The following NAALADL2 variants were observed in gnomAD, a reference collection of about 807,000 sequenced individuals.
The protein encoded by NAALADL2 is N-acetylated alpha-linked acidic dipeptidase like 2.
In NAALADL2, 76 loss-of-function variants were observed where a neutral mutation model predicts 87.2. The observed-to-expected ratio is 0.87, with a 90% CI of 0.72 to 1.05. NAALADL2 has a LOEUF of 1.05. Ranked by LOEUF, NAALADL2 falls within the 50% of genes least tolerant of loss-of-function variation. The pLI is 0.00. For synonymous variants in NAALADL2, 354 were observed against 331.0 expected (o/e 1.07, Z -0.75); for missense variants, 1,089 against 945.8 (o/e 1.15, Z -1.99).
intron 5 of NAALADL2, among the ~76,000 whole-genome samples, chr3:175,328,982 T>C (rs1463756575): frequency 6.6e-6 from 1 of 152,188 alleles, no homozygotes; most frequent in Non-Finnish European, 1.5e-5. Flanking sequence ...GAACTGAAAA[T>C]AGTATTAGGA....
intron 2 of NAALADL2, among the ~76,000 whole-genome samples, chr3:175,193,670 C>G (rs889969415): frequency 6.6e-6 from 1 of 151,606 alleles, no homozygotes; most frequent in African/African-American, 2.4e-5. Context: ...AATTAAAAAA[C>G]AAAAAACAAA....
rs116390755 is a variant in NAALADL2, at chr3:174,745,858, G to C, written c.-9+8112G>C. ...ACAAAAACCACATAATTATCTCAAAGGCCTTCAATAAAATTCAACCTCCCT... is the reference window on the plus strand; with the variant it reads ...ACAAAAACCACATAATTATCTCAAACGCCTTCAATAAAATTCAACCTCCCT... On this transcript the variant is annotated intron_variant, in intron 3 of 3. Transcript: ENST00000434257. Among the ~76,000 whole-genome samples, 304 of 150,906 alleles carry C rather than the reference G, an allele frequency of 2.0e-3. 1 individual carries two copies. Among genetic ancestry groups the C allele is most frequent in the African/African-American group, 7.1e-3 (294 of 41,326 alleles).
At chr3:174,531,729 G>C (rs929044292) in intron 1 of NAALADL2, among the ~76,000 whole-genome samples, 18 of 152,232 alleles carry the variant, frequency 1.2e-4, no homozygotes, top group Non-Finnish European at 1.9e-4. Flanking sequence ...TTTTATGAGT[G>C]AGTCTATTAA....
chr3:174,806,526 C>T (rs1719520731), intron 3 of NAALADL2, among the ~76,000 whole-genome samples: 1 of 152,172 alleles, frequency 6.6e-6, no homozygotes, highest in African/African-American at 2.4e-5. Flanking sequence ...CAAGTCTTTC[C>T]TGAAGAGAAA....
chr3:175,706,296 C>T (rs1739703608), intron 11 of NAALADL2, among the ~76,000 whole-genome samples: 1 of 152,064 alleles, frequency 6.6e-6, no homozygotes, highest in African/African-American at 2.4e-5. Context: ...ATGCCAGAAA[C>T]CATAGATAGT....
At chr3:174,705,297 A>G (rs1360677398) in intron 2 of NAALADL2, among the ~76,000 whole-genome samples, 2 of 152,340 alleles carry the variant, frequency 1.3e-5, no homozygotes, top group African/African-American at 4.8e-5. Context: ...AATACCATAC[A>G]GACAGTAGCC....
chr3:174,792,952 T>C (rs1374360174), intron 3 of NAALADL2, among the ~76,000 whole-genome samples: 1 of 152,104 alleles, frequency 6.6e-6, no homozygotes, highest in Non-Finnish European at 1.5e-5. Flanking sequence ...TTTTTTAACT[T>C]AGAGTTTTGG....
At chr3:175,621,532 T>C (rs1234662430) in intron 10 of NAALADL2, among the ~76,000 whole-genome samples, 1 of 152,190 alleles carries the variant, frequency 6.6e-6, no homozygotes, top group African/African-American at 2.4e-5. Context: ...CGGTAAAATT[T>C]CCTCAGAAAA....
intron 9 of NAALADL2, among the ~76,000 whole-genome samples, chr3:175,500,689 T>C (rs971431102): frequency 2.6e-5 from 4 of 152,152 alleles, no homozygotes; most frequent in East Asian, 3.9e-4. Flanking sequence ...TTAACAACAT[T>C]ATGATATGGG....
chr3:174,513,891 C>T (rs1719761081), intron 1 of NAALADL2, among the ~76,000 whole-genome samples: 1 of 152,176 alleles, frequency 6.6e-6, no homozygotes, highest in South Asian at 2.1e-4. Flanking sequence ...TTTGCCACTT[C>T]CTTCAGCGTC....
rs74468628 is a variant in NAALADL2 at position 175,729,663 on chromosome 3, T to G, written c.1897-7643T>G. Reference sequence around the variant, plus strand: ...TTTGTCTATAAATTTGTTCTGACCATGAGTCATCCCTACAGTCTCCGAATC... The same window carrying G: ...TTTGTCTATAAATTTGTTCTGACCAGGAGTCATCCCTACAGTCTCCGAATC... On this transcript the variant is annotated intron_variant, in intron 11 of 13. Transcript: ENST00000454872. 1.4e-3 allele frequency among the ~76,000 whole-genome samples: 214 copies of G among 152,314 alleles called. 2 individuals carry two copies. Among genetic ancestry groups the G allele is most frequent in the African/African-American group, 4.8e-3 (198 of 41,574 alleles).
At chr3:174,731,325 A>G (rs781433113) in intron 2 of NAALADL2, among the ~76,000 whole-genome samples, 2 of 152,088 alleles carry the variant, frequency 1.3e-5, no homozygotes, top group Non-Finnish European at 1.5e-5. Context: ...ATTTTTGGAT[A>G]GGTTTTACAC....
intron 5 of NAALADL2, among the ~76,000 whole-genome samples, chr3:175,410,452 G>T (rs1581770933): frequency 6.6e-6 from 1 of 152,084 alleles, no homozygotes; most frequent in East Asian, 1.9e-4. Flanking sequence ...AAAAATTCAG[G>T]AAACAGATCT....
intron 9 of NAALADL2, among the ~76,000 whole-genome samples, chr3:175,529,835 A>C (rs1031686028): frequency 1.1e-4 from 16 of 152,194 alleles, no homozygotes; most frequent in African/African-American, 3.9e-4. Flanking sequence ...CAGGATAGGC[A>C]AATATTATTC....
chr3:174,792,641 G>T (rs768200373), intron 3 of NAALADL2, among the ~76,000 whole-genome samples: 6 of 152,094 alleles, frequency 3.9e-5, no homozygotes, highest in Admixed American at 2.6e-4. Context: ...TATCCAGTGT[G>T]GTGGAGACAG....
At chr3:175,462,583 A>G (rs1462509725) in intron 6 of NAALADL2, among the ~76,000 whole-genome samples, 1 of 152,142 alleles carries the variant, frequency 6.6e-6, no homozygotes, top group African/African-American at 2.4e-5. Context: ...CCTGACACTA[A>G]CACCTGGCTA....
At chr3:174,673,099 A>G (rs1266674707) in intron 2 of NAALADL2, among the ~76,000 whole-genome samples, 4 of 152,098 alleles carry the variant, frequency 2.6e-5, no homozygotes. Context: ...AAATAAAGAA[A>G]AGATACATTT....
At chr3:175,240,821 A>G (rs1247804200) in intron 3 of NAALADL2, among the ~76,000 whole-genome samples, 4 of 151,928 alleles carry the variant, frequency 2.6e-5, no homozygotes, top group African/African-American at 9.7e-5. Flanking sequence ...ACACCCGGCT[A>G]ATTTTGTATT....
At chr3:175,428,021 A>T (rs949315085) in intron 5 of NAALADL2, among the ~76,000 whole-genome samples, 1 of 152,110 alleles carries the variant, frequency 6.6e-6, no homozygotes, top group African/African-American at 2.4e-5. Context: ...CATGTACTCA[A>T]TTAAGAACAT....
Sources: gnomAD v4.1 joint callset for allele counts (sites outside exome capture counted in the v4.1 genomes callset) on GRCh38, gnomAD v4.1.1 for gene constraint, MANE v1.5 for transcripts, NCBI Gene and HGNC (gene_info 2026-07-23, HGNC 2026-07-21) for gene names.